The following ENTREP2 variants were observed in gnomAD, a reference collection of about 807,000 sequenced individuals.
ENTREP2 encodes the protein protein ENTREP2.
chr15:29,307,560 C>T, the ENTREP2 span, among the ~76,000 whole-genome samples: 4 of 152,168 alleles, frequency 2.6e-5, no homozygotes, highest in Non-Finnish European at 5.9e-5. Context: ...TTGCTATGGA[C>T]TAAAGTGTGC....
At chr15:29,326,661 A>G in the ENTREP2 span, among the ~76,000 whole-genome samples, 20 of 152,158 alleles carry the variant, frequency 1.3e-4, no homozygotes, top group Admixed American at 3.9e-4. Context: ...TATAAATCCA[A>G]TGCAACCCTA....
chr15:29,577,161 G>A, the ENTREP2 span, among the ~76,000 whole-genome samples: 2 of 151,948 alleles, frequency 1.3e-5, no homozygotes, highest in Non-Finnish European at 2.9e-5. Context: ...TGTTGGTCAA[G>A]ATATGGAGAA....
At chr15:29,647,032 T>A in the ENTREP2 span, among the ~76,000 whole-genome samples, 1 of 152,220 alleles carries the variant, frequency 6.6e-6, no homozygotes, top group Non-Finnish European at 1.5e-5. Flanking sequence ...ACAGGCCCTT[T>A]ATATAAATGC....
At chr15:29,614,963 T>C in the ENTREP2 span, among the ~76,000 whole-genome samples, 1 of 152,202 alleles carries the variant, frequency 6.6e-6, no homozygotes. Context: ...TTTTCCATTC[T>C]AGAACGGTTT....
chr15:29,537,430 C>CA, the ENTREP2 span, among the ~76,000 whole-genome samples: 1 of 152,184 alleles, frequency 6.6e-6, no homozygotes, highest in Non-Finnish European at 1.5e-5. Flanking sequence ...AGGAGAGGTC[C>CA]ACTTCCCCTT....
the ENTREP2 span, among the ~76,000 whole-genome samples, chr15:29,579,078 A>T: frequency 2.0e-5 from 3 of 152,198 alleles, no homozygotes; most frequent in Non-Finnish European, 4.4e-5. Flanking sequence ...AAAACTATGA[A>T]AATTATGAGT....
the ENTREP2 span, among the ~76,000 whole-genome samples, chr15:29,530,486 G>A: frequency 1.3e-5 from 2 of 152,112 alleles, no homozygotes; most frequent in East Asian, 3.9e-4. Flanking sequence ...ATACACTAAG[G>A]TGCCCGGCAC....
chr15:29,223,532 G>C, the ENTREP2 span, among the ~76,000 whole-genome samples: 2 of 152,348 alleles, frequency 1.3e-5, no homozygotes, highest in South Asian at 2.1e-4. Context: ...GGTTGACTCA[G>C]CTACGTGTAA....
At chr15:29,133,289 C>T in the ENTREP2 span, among the ~76,000 whole-genome samples, 31 of 152,182 alleles carry the variant, frequency 2.0e-4, no homozygotes, top group African/African-American at 7.0e-4. Context: ...GTGATCTACT[C>T]CTGCTCTCAA....
the ENTREP2 span, among the ~76,000 whole-genome samples, chr15:29,439,284 T>TACACACACACACAC: frequency 2.1e-5 from 2 of 97,090 alleles, no homozygotes; most frequent in Admixed American, 1.0e-4. Flanking sequence ...AAATTGGAAT[T>TACACACACACACAC]ACACACACAC....
chr15:29,478,017 ATATTTT>A, the ENTREP2 span, among the ~76,000 whole-genome samples: 5 of 56,962 alleles, frequency 8.8e-5, no homozygotes, highest in African/African-American at 5.0e-4. Context: ...ATATATATAT[ATATTTT>A]TTTTTTTTTT....
chr15:29,648,948 C>A, the ENTREP2 span, among the ~76,000 whole-genome samples: 1 of 148,596 alleles, frequency 6.7e-6, no homozygotes, highest in Non-Finnish European at 1.5e-5. Context: ...AAAAAAAAAA[C>A]AACAACAAAA....
the ENTREP2 span, among the ~76,000 whole-genome samples, chr15:29,642,475 A>G: frequency 1.5e-5 from 2 of 135,076 alleles, no homozygotes; most frequent in Non-Finnish European, 3.3e-5. Context: ...TATATACTGT[A>G]TATACACATA....
the ENTREP2 span, among the ~76,000 whole-genome samples, chr15:29,199,043 T>C: frequency 3.9e-5 from 6 of 152,368 alleles, no homozygotes; most frequent in East Asian, 1.2e-3. Context: ...ATAAGATTAA[T>C]GCTGTTTGAT....
chr15:29,374,490 C>T, the ENTREP2 span: 2 of 152,112 alleles, frequency 1.3e-5, no homozygotes, highest in Non-Finnish European at 2.9e-5. Context: ...ATAGTTCCAT[C>T]CGCCCTCCTT....
At chr15:29,491,020 C>T in the ENTREP2 span, among the ~76,000 whole-genome samples, 8 of 152,182 alleles carry the variant, frequency 5.3e-5, no homozygotes, top group Non-Finnish European at 8.8e-5. Context: ...AGCCCTGACC[C>T]GTGGGGAGGC....
the ENTREP2 span, among the ~76,000 whole-genome samples, chr15:29,510,115 A>G: frequency 6.6e-6 from 1 of 152,256 alleles, no homozygotes; most frequent in Non-Finnish European, 1.5e-5. Context: ...TTTCAAAAGA[A>G]GACATTTATG....
chr15:29,632,936 AG>A, the ENTREP2 span, among the ~76,000 whole-genome samples: 1 of 152,224 alleles, frequency 6.6e-6, no homozygotes, highest in African/African-American at 2.4e-5. Flanking sequence ...CAGAGAGACC[AG>A]CCACTCTCCA....
the ENTREP2 span, among the ~76,000 whole-genome samples, chr15:29,235,821 G>C: frequency 4.6e-5 from 7 of 152,036 alleles, no homozygotes; most frequent in Non-Finnish European, 1.0e-4. Context: ...AACATTAGCT[G>C]GGCATGGTGG....
Sources: allele counts gnomAD v4.1 joint callset (sites outside exome capture counted in the v4.1 genomes callset), GRCh38; gene constraint gnomAD v4.1.1; transcripts MANE v1.5; gene names NCBI Gene and HGNC (gene_info 2026-07-23, HGNC 2026-07-21).